The following OVCH1 variants were observed in gnomAD, a reference collection of about 807,000 sequenced individuals.
The protein encoded by OVCH1 is ovochymase-1.
OVCH1 carries 139 observed loss-of-function variants against 138.4 expected under a neutral mutation model. The ratio of observed to expected loss-of-function variants is 1.00; its 90% CI spans 0.87 to 1.16. OVCH1 has a LOEUF of 1.16. OVCH1 is among the 50% of genes most tolerant of loss of function. OVCH1 has a pLI of 0.00. For synonymous variants in OVCH1, 453 were observed against 467.8 expected (o/e 0.97, Z 0.41); for missense variants, 1,367 against 1,357.9 (o/e 1.01, Z -0.11).
At chr12:29,451,626 C>T in intron 21 of OVCH1, 57 bp from the exon 22 acceptor site, 1 of 1,348,708 alleles carries the variant, frequency 7.4e-7, no homozygotes, top group Non-Finnish European at 1.0e-6. Context: ...AAAGAAAAAC[C>T]AGATTCTATC....
exon 15 of OVCH1, chr12:29,473,081 T>G: frequency 6.2e-7 from 1 of 1,609,738 alleles, no homozygotes; most frequent in Non-Finnish European, 8.5e-7. Flanking sequence ...GAGGTAACTT[T>G]GGTTCAAATT....
chr12:29,402,371 T>C, the OVCH1 span, among the ~76,000 whole-genome samples: 1 of 152,168 alleles, frequency 6.6e-6, no homozygotes, highest in Non-Finnish European at 1.5e-5. Flanking sequence ...AGACCAATAT[T>C]CATGTGAGGG....
intron 19 of OVCH1, among the ~76,000 whole-genome samples, chr12:29,457,264 C>T (rs1161170530): frequency 6.6e-6 from 1 of 151,932 alleles, no homozygotes; most frequent in African/African-American, 2.4e-5. Context: ...AATGCATAGC[C>T]AATACATCAT....
At chr12:29,483,794 T>C (rs750061168) in intron 8 of OVCH1, among the ~76,000 whole-genome samples, 3 of 152,218 alleles carry the variant, frequency 2.0e-5, no homozygotes, top group Non-Finnish European at 2.9e-5. Flanking sequence ...AAAGACCTCA[T>C]GAGCTATAAA....
At chr12:29,497,591 C>T (rs572735522) in intron 1 of OVCH1, 32 bp downstream of exon 1, 22 of 1,611,952 alleles carry the variant, frequency 1.4e-5, no homozygotes, top group East Asian at 4.5e-5. Flanking sequence ...CAGCCTCCTC[C>T]GCAGTCCTGG....
At chr12:29,476,727 T>C (rs1031810482) in intron 12 of OVCH1, among the ~76,000 whole-genome samples, 5 of 149,774 alleles carry the variant, frequency 3.3e-5, no homozygotes, top group African/African-American at 1.2e-4. Context: ...GACCAAGGCA[T>C]TGCCAAGCAG....
At chr12:29,491,178 G>A (rs1282024915) in exon 5 of OVCH1, 1 of 1,613,464 alleles carries the variant, frequency 6.2e-7, no homozygotes, top group South Asian at 1.1e-5. Context: ...AGACAGATTG[G>A]CTGAACAGCA....
At chr12:29,455,758 C>CA (rs1941932970) in intron 19 of OVCH1, among the ~76,000 whole-genome samples, 1 of 152,112 alleles carries the variant, frequency 6.6e-6, no homozygotes, top group Non-Finnish European at 1.5e-5. Context: ...CTTTTTAAAA[C>CA]AAAAATTTAA....
intron 6 of OVCH1, among the ~76,000 whole-genome samples, chr12:29,488,894 C>T (rs551039461): frequency 1.2e-4 from 18 of 152,212 alleles, no homozygotes; most frequent in East Asian, 7.8e-4. Context: ...CATAAGTGTA[C>T]GTTTCAATCT....
intron 8 of OVCH1, among the ~76,000 whole-genome samples, chr12:29,483,261 G>A (rs1942990973): frequency 6.6e-6 from 1 of 152,134 alleles, no homozygotes; most frequent in Non-Finnish European, 1.5e-5. Flanking sequence ...AGAGGTCCCT[G>A]AGACTCTAAT....
intron 25 of OVCH1, among the ~76,000 whole-genome samples, chr12:29,443,093 ATTCT>A (rs1217854172): frequency 1.3e-5 from 2 of 152,054 alleles, no homozygotes; most frequent in Non-Finnish European, 1.5e-5. Context: ...TGCTTCATTC[ATTCT>A]TTATTTTTAG....
chr12:29,468,456 A>G (rs1318062637), intron 16 of OVCH1, among the ~76,000 whole-genome samples: 1 of 152,184 alleles, frequency 6.6e-6, no homozygotes, highest in Non-Finnish European at 1.5e-5. Context: ...GGTTTGTTAT[A>G]TTCTGTATCT....
chr12:29,474,947 G>A (rs1942650524), intron 14 of OVCH1, 114 bp downstream of exon 14: 3 of 1,218,938 alleles, frequency 2.5e-6, no homozygotes, highest in South Asian at 3.5e-5. Flanking sequence ...CTGCATTTTT[G>A]TTATGCTTAC....
chr12:29,412,797 T>C (rs1038761791), intron 3 of OVCH1: 3 of 152,230 alleles, frequency 2.0e-5, no homozygotes, highest in Non-Finnish European at 4.4e-5. Context: ...ATATTGTCTA[T>C]GTTGTTTGCT....
intron 15 of OVCH1, 142 bp from the exon 16 acceptor site, chr12:29,472,124 T>C: frequency 1.0e-6 from 1 of 959,282 alleles, no homozygotes; most frequent in African/African-American, 1.7e-5. Context: ...AACTCACCTC[T>C]GAAAAATCTG....
At chr12:29,411,411 G>GT (rs1565559001), downstream of OVCH1, among the ~76,000 whole-genome samples, 1 of 151,614 alleles carries the variant, frequency 6.6e-6, no homozygotes, top group South Asian at 2.1e-4. Context: ...TTTCTGCTCT[G>GT]TTTTTTCCCC....
intron 22 of OVCH1, among the ~76,000 whole-genome samples, chr12:29,446,152 T>C (rs1214580891): frequency 6.6e-6 from 1 of 152,088 alleles, no homozygotes; most frequent in Non-Finnish European, 1.5e-5. Context: ...CCTGCTAGAA[T>C]ATAAGCTTGG....
intron 16 of OVCH1, among the ~76,000 whole-genome samples, chr12:29,467,012 C>A (rs1209116514): frequency 6.6e-6 from 1 of 152,140 alleles, no homozygotes; most frequent in African/African-American, 2.4e-5. Context: ...CAATTCCTTG[C>A]ATAATGGGTT....
intron 7 of OVCH1, chr12:29,487,313 G>T (rs1943138707): frequency 5.8e-6 from 1 of 173,458 alleles, no homozygotes; most frequent in South Asian, 1.5e-4. Context: ...TGTTGCCAAG[G>T]AAGTTAACAA....
Sources: allele counts gnomAD v4.1 joint callset (sites outside exome capture counted in the v4.1 genomes callset), GRCh38; gene constraint gnomAD v4.1.1; transcripts MANE v1.5; gene names NCBI Gene and HGNC (gene_info 2026-07-23, HGNC 2026-07-21).